Variants in ADAMTS3 observed in about 807,000 individuals in gnomAD.
The protein encoded by ADAMTS3 is A disintegrin and metalloproteinase with thrombospondin motifs 3.
In ADAMTS3, 73 loss-of-function variants were observed where a neutral mutation model predicts 129.0. The ratio of observed to expected loss-of-function variants is 0.57; its 90% CI spans 0.47 to 0.69. The LOEUF is 0.69. ADAMTS3 is among the 30% of genes least tolerant of loss of function. The pLI is 0.00. For synonymous variants in ADAMTS3, 477 were observed against 510.8 expected (o/e 0.93, Z 0.89); for missense variants, 1,457 against 1,514.5 (o/e 0.96, Z 0.63).
At chr4:72,512,947 C>T (rs1720356274) in intron 3 of ADAMTS3, among the ~76,000 whole-genome samples, 1 of 152,110 alleles carries the variant, frequency 6.6e-6, no homozygotes, top group Non-Finnish European at 1.5e-5. Flanking sequence ...TCTGCATCCC[C>T]AATCAGCCTA....
intron 3 of ADAMTS3, among the ~76,000 whole-genome samples, chr4:72,544,771 G>A (rs552998453): frequency 1.3e-5 from 2 of 152,176 alleles, no homozygotes; most frequent in South Asian, 4.1e-4. Context: ...GCATTAAAAA[G>A]AATAGAAAGC....
chr4:72,353,089 T>G (rs1201858551), intron 4 of ADAMTS3, among the ~76,000 whole-genome samples: 1 of 149,352 alleles, frequency 6.7e-6, no homozygotes, highest in Non-Finnish European at 1.5e-5. Flanking sequence ...TATGGGCCTT[T>G]CAGTTCTCAA....
chr4:72,529,284 A>C (rs1301373668), intron 3 of ADAMTS3, among the ~76,000 whole-genome samples: 1 of 152,082 alleles, frequency 6.6e-6, no homozygotes, highest in African/African-American at 2.4e-5. Flanking sequence ...TTCTTGTAGG[A>C]CAGTGGCTCT....
At chr4:72,288,653 T>C in intron 21 of ADAMTS3, 98 bp downstream of exon 21, 1 of 785,198 alleles carries the variant, frequency 1.3e-6, no homozygotes, top group Non-Finnish European at 2.2e-6. Flanking sequence ...TATTTATCAG[T>C]AAACAAATAT....
rs116000456 is a variant in ADAMTS3 at position 72,487,000 on chromosome 4, G to A, written c.504+61478C>T. ...TCTGAATTTAATAACTTATTTTAAG[G>A]ATGATCACCTCTCCAGTCATCACTT... On this transcript the variant is annotated intron_variant, in intron 3 of 21. Transcript: ENST00000286657. Among the ~76,000 whole-genome samples the A allele has an allele frequency of 9.8e-3, 1,492 of 152,132 alleles. 22 individuals are homozygous for A. The highest frequency in any genetic ancestry group is 0.034 in the African/African-American group (1,431 of 41,512).
chr4:72,510,902 C>T (rs1429296480), intron 3 of ADAMTS3, among the ~76,000 whole-genome samples: 1 of 140,904 alleles, frequency 7.1e-6, no homozygotes, highest in African/African-American at 2.6e-5. Flanking sequence ...ATAAACAAAA[C>T]AGCATGATAC....
At chr4:72,476,723 T>C (rs952987870) in intron 3 of ADAMTS3, among the ~76,000 whole-genome samples, 4 of 152,056 alleles carry the variant, frequency 2.6e-5, no homozygotes, top group African/African-American at 9.7e-5. Flanking sequence ...ACATTCCTCA[T>C]AAATATTCAT....
chr4:72,462,192 C>G (rs1328576195), intron 3 of ADAMTS3, among the ~76,000 whole-genome samples: 1 of 151,820 alleles, frequency 6.6e-6, no homozygotes, highest in Non-Finnish European at 1.5e-5. Context: ...TGTATTGCCT[C>G]TTTTGAGGAG....
chr4:72,349,891 T>G (rs1720383984), intron 4 of ADAMTS3, among the ~76,000 whole-genome samples: 1 of 152,060 alleles, frequency 6.6e-6, no homozygotes, highest in South Asian at 2.1e-4. Flanking sequence ...TGCTTTTGCT[T>G]ATTTGAATAA....
intron 4 of ADAMTS3, among the ~76,000 whole-genome samples, chr4:72,397,039 C>A (rs1171976164): frequency 6.6e-6 from 1 of 152,120 alleles, no homozygotes; most frequent in Non-Finnish European, 1.5e-5. Flanking sequence ...CCCTCATCAC[C>A]TCTCACCTGG....
intron 3 of ADAMTS3, among the ~76,000 whole-genome samples, chr4:72,427,500 T>C (rs1023548505): frequency 6.6e-6 from 1 of 151,856 alleles, no homozygotes; most frequent in African/African-American, 2.4e-5. Context: ...TCATGAGGAA[T>C]AGAGGTAAGG....
chr4:72,444,037 T>A (rs1435476472), intron 3 of ADAMTS3, among the ~76,000 whole-genome samples: 1 of 151,724 alleles, frequency 6.6e-6, no homozygotes, highest in Non-Finnish European at 1.5e-5. Context: ...TGCAGGGAAC[T>A]TAAAAATCAG....
chr4:72,361,720 C>T (rs905224824), intron 4 of ADAMTS3, among the ~76,000 whole-genome samples: 2 of 152,050 alleles, frequency 1.3e-5, no homozygotes, highest in Non-Finnish European at 2.9e-5. Context: ...ACACAATGCC[C>T]TTTCCTTCTG....
intron 3 of ADAMTS3, among the ~76,000 whole-genome samples, chr4:72,491,024 G>A (rs950763407): frequency 1.3e-5 from 2 of 151,698 alleles, no homozygotes; most frequent in African/African-American, 4.8e-5. Context: ...TAGTGTACAA[G>A]TCTTTCACTT....
chr4:72,307,561 A>C (rs192898242), intron 15 of ADAMTS3, among the ~76,000 whole-genome samples: 1 of 152,164 alleles, frequency 6.6e-6, no homozygotes, highest in East Asian at 1.9e-4. Flanking sequence ...TGTTTCATTG[A>C]CTATCCCATA....
At chr4:72,438,325 T>C (rs1214087881) in intron 3 of ADAMTS3, among the ~76,000 whole-genome samples, 1 of 151,754 alleles carries the variant, frequency 6.6e-6, no homozygotes, top group African/African-American at 2.4e-5. Flanking sequence ...AGAGCTTTTG[T>C]TCATGTAGGC....
chr4:72,376,807 C>T (rs889899467), intron 4 of ADAMTS3, among the ~76,000 whole-genome samples: 1 of 152,072 alleles, frequency 6.6e-6, no homozygotes, highest in Non-Finnish European at 1.5e-5. Flanking sequence ...ATAGGCTGTT[C>T]CATATTTGTC....
chr4:72,525,462 G>A (rs1012655877), intron 3 of ADAMTS3, among the ~76,000 whole-genome samples: 12 of 152,302 alleles, frequency 7.9e-5, no homozygotes, highest in African/African-American at 2.9e-4. Flanking sequence ...AAGTCATGCT[G>A]TAGCATGGAA....
chr4:72,534,044 C>G (rs1052649730), intron 3 of ADAMTS3, among the ~76,000 whole-genome samples: 1 of 152,120 alleles, frequency 6.6e-6, no homozygotes, highest in African/African-American at 2.4e-5. Flanking sequence ...ATCACAGTCC[C>G]CGGCTGGGTG....
Sources: gnomAD v4.1 joint callset for allele counts (sites outside exome capture counted in the v4.1 genomes callset) on GRCh38, gnomAD v4.1.1 for gene constraint, MANE v1.5 for transcripts, NCBI Gene and HGNC (gene_info 2026-07-23, HGNC 2026-07-21) for gene names.